The following FAM163A variants were observed in gnomAD, a reference collection of about 807,000 sequenced individuals.
FAM163A encodes protein FAM163A.
FAM163A carries 7 observed loss-of-function variants against 12.0 expected under a neutral mutation model. The ratio of observed to expected loss-of-function variants is 0.58; its 90% CI spans 0.33 to 1.10. FAM163A has a LOEUF of 1.10. Among genes scored for constraint, FAM163A ranks in the 50% least tolerant of loss-of-function variants. The pLI, the probability that FAM163A is intolerant of heterozygous loss-of-function variation, is 0.03. For missense variants in FAM163A, 202 were observed against 218.6 expected (o/e 0.92, Z 0.48); for synonymous variants, 101 against 91.0 (o/e 1.11, Z -0.62).
At chr1:179,759,709 C>G (rs1481126960) in intron 1 of FAM163A, among the ~76,000 whole-genome samples, 1 of 152,090 alleles carries the variant, frequency 6.6e-6, no homozygotes, top group Admixed American at 6.5e-5. Context: ...CTCTGTCACC[C>G]AGGCTGGAGT....
chr1:179,781,435 CAG>C (rs1196695862), intron 1 of FAM163A, among the ~76,000 whole-genome samples: 1 of 152,044 alleles, frequency 6.6e-6, no homozygotes, highest in Non-Finnish European at 1.5e-5. Flanking sequence ...TAGATCCTCA[CAG>C]AGTTCTCGGT....
intron 1 of FAM163A, among the ~76,000 whole-genome samples, chr1:179,795,813 A>G (rs985478163): frequency 6.6e-6 from 1 of 151,978 alleles, no homozygotes; most frequent in African/African-American, 2.4e-5. Context: ...CCAAATCACT[A>G]TCTCCTTTTG....
At chr1:179,762,103 A>G (rs150912058) in intron 1 of FAM163A, among the ~76,000 whole-genome samples, 7 of 152,324 alleles carry the variant, frequency 4.6e-5, no homozygotes, top group African/African-American at 1.4e-4. Context: ...AGCAGATACC[A>G]AATGCTCTTG....
At chr1:179,734,311 A>T in the FAM163A span, among the ~76,000 whole-genome samples, 1 of 152,242 alleles carries the variant, frequency 6.6e-6, no homozygotes, top group Admixed American at 6.5e-5. Context: ...GAAAGCTGTC[A>T]TCTTAATCAT....
At chr1:179,728,882 T>A in the FAM163A span, among the ~76,000 whole-genome samples, 1 of 152,136 alleles carries the variant, frequency 6.6e-6, no homozygotes, top group Non-Finnish European at 1.5e-5. Flanking sequence ...CCCCGAGACA[T>A]CGATACATGT....
intron 1 of FAM163A, among the ~76,000 whole-genome samples, chr1:179,795,729 C>T (rs951663867): frequency 6.6e-6 from 1 of 152,196 alleles, no homozygotes; most frequent in African/African-American, 2.4e-5. Flanking sequence ...CTGAATCGGG[C>T]TCAATAGCAG....
At chr1:179,736,377 A>G in the FAM163A span, among the ~76,000 whole-genome samples, 13 of 152,322 alleles carry the variant, frequency 8.5e-5, no homozygotes, top group East Asian at 2.5e-3. Context: ...AACCTGAATA[A>G]ACATTTCTCC....
At chr1:179,767,235 G>A (rs567537735) in intron 1 of FAM163A, among the ~76,000 whole-genome samples, 50 of 152,284 alleles carry the variant, frequency 3.3e-4, no homozygotes, top group Middle Eastern at 6.8e-3. Context: ...TCACAGAGAA[G>A]GGGCTGGACA....
At chr1:179,799,374 C>T (rs1692836561) in intron 1 of FAM163A, among the ~76,000 whole-genome samples, 1 of 152,240 alleles carries the variant, frequency 6.6e-6, no homozygotes, top group Non-Finnish European at 1.5e-5. Context: ...CTGTGAATGG[C>T]CAACAATTCA....
chr1:179,777,506 T>G (rs570462989), intron 1 of FAM163A, among the ~76,000 whole-genome samples: 1 of 152,238 alleles, frequency 6.6e-6, no homozygotes, highest in Non-Finnish European at 1.5e-5. Flanking sequence ...CTCTCAGACC[T>G]CCTGGACTCT....
At chr1:179,801,037 C>T (rs1361780444) in intron 1 of FAM163A, among the ~76,000 whole-genome samples, 1 of 152,058 alleles carries the variant, frequency 6.6e-6, no homozygotes, top group East Asian at 1.9e-4. Context: ...TCATGGTCAC[C>T]CCTGGCTCCA....
intron 1 of FAM163A, among the ~76,000 whole-genome samples, chr1:179,744,115 G>A (rs1684073779): frequency 6.6e-6 from 1 of 152,224 alleles, no homozygotes; most frequent in African/African-American, 2.4e-5. Context: ...GCGTGGGCAT[G>A]CAGGCGGCAG....
At chr1:179,771,135 C>T (rs1688220038) in intron 1 of FAM163A, among the ~76,000 whole-genome samples, 1 of 152,170 alleles carries the variant, frequency 6.6e-6, no homozygotes, top group Non-Finnish European at 1.5e-5. Flanking sequence ...CCACCCCACC[C>T]CATGCGGGAC....
intron 1 of FAM163A, among the ~76,000 whole-genome samples, chr1:179,773,669 T>A (rs1688563432): frequency 6.6e-6 from 1 of 152,178 alleles, no homozygotes; most frequent in South Asian, 2.1e-4. Flanking sequence ...ATTAAGGCCT[T>A]CATGACCTAG....
chr1:179,780,847 C>T (rs1689622077), intron 1 of FAM163A, among the ~76,000 whole-genome samples: 3 of 152,168 alleles, frequency 2.0e-5, no homozygotes, highest in Non-Finnish European at 4.4e-5. Context: ...TCAGCTAGAC[C>T]AGAGCTGTAT....
Position 179,814,404 on chromosome 1 carries a change from C to T in FAM163A, c.*215C>T, listed in dbSNP as rs1216507986. On this transcript the variant is annotated 3_prime_UTR_variant, in exon 5 of 5. Transcript: ENST00000341785. ...AACTCTGTGGGCCAGAGGTGGGGGA[C>T]TGCTAGGTCGAGTCTGCAGCTTCGC... 1.6e-6 allele frequency: 1 copy of T among 620,512 alleles called. No homozygotes were observed. The highest frequency in any genetic ancestry group is 1.9e-5 in the African/African-American group (1 of 53,410). The allele number at this position is 620,512 out of a possible 1,614,324, so 38.4% of individuals were successfully genotyped here. A position where few individuals can be genotyped will look rare whatever the true frequency, so the allele number is the denominator to read the frequency against.
chr1:179,798,578 G>A (rs1161628294), intron 1 of FAM163A, among the ~76,000 whole-genome samples: 2 of 152,236 alleles, frequency 1.3e-5, no homozygotes, highest in Admixed American at 1.3e-4. Context: ...TTTGTCTGAT[G>A]TGATTGAGGA....
intron 1 of FAM163A, among the ~76,000 whole-genome samples, chr1:179,799,076 T>C (rs1360055319): frequency 6.6e-6 from 1 of 151,734 alleles, no homozygotes; most frequent in African/African-American, 2.4e-5. Flanking sequence ...TGGCCTGTGT[T>C]CTTACTGGAT....
At chr1:179,770,901 G>T (rs995452514) in intron 1 of FAM163A, among the ~76,000 whole-genome samples, 1 of 152,152 alleles carries the variant, frequency 6.6e-6, no homozygotes, top group Non-Finnish European at 1.5e-5. Flanking sequence ...AAAGGAAAAA[G>T]TACAGAAATA....
Sources: gnomAD v4.1 joint callset for allele counts (sites outside exome capture counted in the v4.1 genomes callset) on GRCh38, gnomAD v4.1.1 for gene constraint, MANE v1.5 for transcripts, NCBI Gene and HGNC (gene_info 2026-07-23, HGNC 2026-07-21) for gene names.